The following CTNND2 variants were observed in gnomAD, a reference collection of about 807,000 sequenced individuals.
CTNND2 encodes catenin delta 2, also known as catenin delta-2.
Under a neutral mutation model 144.4 loss-of-function variants are expected in CTNND2, and 22 were observed. The observed-to-expected ratio is 0.15, with a 90% CI of 0.11 to 0.22. CTNND2 has a LOEUF of 0.22. Ranked by LOEUF, CTNND2 falls within the 10% of genes least tolerant of loss-of-function variation. The pLI is 1.00. For synonymous variants in CTNND2, 751 were observed against 695.6 expected (o/e 1.08, Z -1.25); for missense variants, 1,353 against 1,618.8 (o/e 0.84, Z 2.82).
At chr5:11,010,770 A>G (rs1740989455) in intron 18 of CTNND2, among the ~76,000 whole-genome samples, 1 of 152,270 alleles carries the variant, frequency 6.6e-6, no homozygotes. Flanking sequence ...AGCAGTAAGG[A>G]AAGAGAGCCT....
chr5:11,137,289 A>G (rs571814649), intron 12 of CTNND2, among the ~76,000 whole-genome samples: 2 of 152,342 alleles, frequency 1.3e-5, no homozygotes, highest in East Asian at 3.9e-4. Context: ...TGTTGATCTA[A>G]AGGCAGGAAT....
intron 12 of CTNND2, among the ~76,000 whole-genome samples, chr5:11,132,846 C>CTA (rs1755756886): frequency 1.3e-5 from 2 of 152,156 alleles, no homozygotes; most frequent in African/African-American, 4.8e-5. Context: ...CCCACCCTTC[C>CTA]TATAACCTCT....
intron 13 of CTNND2, among the ~76,000 whole-genome samples, chr5:11,112,923 A>G (rs781426054): frequency 6.6e-6 from 1 of 152,170 alleles, no homozygotes; most frequent in Non-Finnish European, 1.5e-5. Flanking sequence ...TGGGTGGATC[A>G]TGAGGTCAGG....
chr5:11,058,944 C>T (rs192107876), intron 16 of CTNND2, among the ~76,000 whole-genome samples: 1 of 152,300 alleles, frequency 6.6e-6, no homozygotes, highest in Non-Finnish European at 1.5e-5. Context: ...TTTGTTTTGG[C>T]CAATTTCTCA....
In CTNND2 at chr5:11,628,542, T is replaced by A. The variant is rs573563719; in HGVS notation, c.175-63486A>T. 7.2e-5 allele frequency among the ~76,000 whole-genome samples: 11 copies of A among 152,302 alleles called. 1 individual carries two copies. The South Asian group carries it at 1.2e-3, about 17-fold the overall frequency. Reference sequence around the variant, plus strand: ...AGCTCTCTGGGGTTGAAATTCCCTATGCTCTTTTCCAGTTAATCACTGCTT... The same window carrying A: ...AGCTCTCTGGGGTTGAAATTCCCTAAGCTCTTTTCCAGTTAATCACTGCTT... On this transcript the variant is annotated intron_variant, in intron 2 of 21. Transcript: ENST00000304623.
intron 10 of CTNND2, among the ~76,000 whole-genome samples, chr5:11,205,158 GT>G (rs1737910386): frequency 6.6e-6 from 1 of 152,088 alleles, no homozygotes; most frequent in South Asian, 2.1e-4. Context: ...TAATAATAGT[GT>G]GCAAGACTAT....
intron 2 of CTNND2, among the ~76,000 whole-genome samples, chr5:11,651,107 G>C (rs1385248203): frequency 6.6e-6 from 1 of 152,186 alleles, no homozygotes; most frequent in African/African-American, 2.4e-5. Context: ...CAGGCCTGGA[G>C]GCATAGGCAG....
chr5:11,139,285 CAA>C (rs1756467084), intron 12 of CTNND2, among the ~76,000 whole-genome samples: 1 of 152,146 alleles, frequency 6.6e-6, no homozygotes, highest in Admixed American at 6.5e-5. Context: ...ATCTGGAAAC[CAA>C]AAGAGGGAGA....
intron 9 of CTNND2, among the ~76,000 whole-genome samples, chr5:11,271,018 T>A (rs1022573135): frequency 6.6e-6 from 1 of 152,184 alleles, no homozygotes; most frequent in African/African-American, 2.4e-5. Context: ...AGTTCTATTT[T>A]AAAAAATGTT....
rs190138895 is a variant in CTNND2, at chr5:11,657,249, C to T, written c.174+74887G>A. On this transcript the variant is annotated intron_variant, in intron 2 of 21. Coordinates refer to ENST00000304623, the MANE Select transcript of CTNND2 (RefSeq NM_001332.4). ...GAATTCTCAGTCACCTTACTGAACT[C>T]GTATTTTCATTTTTTAAAGAATGTG... 7.0e-4 allele frequency among the ~76,000 whole-genome samples: 107 copies of T among 152,074 alleles called. 1 individual carries two copies. The highest frequency in any genetic ancestry group is 2.3e-3 in the African/African-American group (96 of 41,504).
chr5:11,846,853 C>A (rs899551041), intron 1 of CTNND2, among the ~76,000 whole-genome samples: 3 of 151,688 alleles, frequency 2.0e-5, no homozygotes, highest in African/African-American at 7.3e-5. Context: ...AAATCAACAT[C>A]ACTAATCAAC....
chr5:11,568,222 C>T (rs1490492853), intron 2 of CTNND2, among the ~76,000 whole-genome samples: 6 of 152,186 alleles, frequency 3.9e-5, no homozygotes, highest in South Asian at 2.1e-4. Flanking sequence ...CATACATGGG[C>T]TGCTAAGTTG....
chr5:11,751,268 T>C (rs1412297812), intron 1 of CTNND2, among the ~76,000 whole-genome samples: 6 of 151,914 alleles, frequency 3.9e-5, no homozygotes, highest in East Asian at 1.9e-4. Context: ...GGGGTACATA[T>C]GCAGGTTTGT....
chr5:11,441,899 T>A (rs1020375829), intron 3 of CTNND2, among the ~76,000 whole-genome samples: 5 of 152,200 alleles, frequency 3.3e-5, no homozygotes, highest in Non-Finnish European at 7.3e-5. Context: ...AACTTACGCT[T>A]TTTTCCATCT....
In CTNND2 at chr5:11,240,233, ACAC is replaced by A. The variant is rs1225399091; in HGVS notation, c.1629-3413_1629-3411del. On this transcript the variant is annotated intron_variant, in intron 9 of 21. Coordinates refer to ENST00000304623, the MANE Select transcript of CTNND2 (RefSeq NM_001332.4). ...CCCAACACACACACCCAACACACAC[ACAC>A]CAACACACACACTCACACACCCAAC... Among the ~76,000 whole-genome samples the A allele has an allele frequency of 1.2e-4, 16 of 133,834 alleles. No homozygotes were observed. The South Asian group carries it at 2.8e-3, about 23-fold the overall frequency. 87.8% of individuals were successfully genotyped at this position (133,834 alleles called of 152,430 possible).
intron 9 of CTNND2, among the ~76,000 whole-genome samples, chr5:11,252,052 A>G (rs2149934398): frequency 6.6e-6 from 1 of 152,352 alleles, no homozygotes; most frequent in African/African-American, 2.4e-5. Context: ...AATGTTCATG[A>G]CAAAAACACC....
intron 5 of CTNND2, among the ~76,000 whole-genome samples, chr5:11,400,234 T>C (rs1760517231): frequency 6.6e-6 from 1 of 152,068 alleles, no homozygotes; most frequent in South Asian, 2.1e-4. Flanking sequence ...GTGGGTGATA[T>C]GGAAAGAAAT....
intron 11 of CTNND2, among the ~76,000 whole-genome samples, chr5:11,196,207 T>C (rs757736043): frequency 2.0e-5 from 3 of 152,378 alleles, no homozygotes; most frequent in Admixed American, 1.3e-4. Context: ...CTTCTGGATA[T>C]ACAGCTAGGT....
intron 2 of CTNND2, among the ~76,000 whole-genome samples, chr5:11,690,742 CAAAAAAAAAAAAAAAAAA>C (rs58799389): frequency 3.6e-4 from 13 of 36,558 alleles, no homozygotes; most frequent in Admixed American, 1.1e-3. Context: ...GACTCCGTCT[CAAAAAAAAAAAAAAAAAA>C]AAAAAAAAAA....
Sources: gnomAD v4.1 joint callset for allele counts (sites outside exome capture counted in the v4.1 genomes callset) on GRCh38, gnomAD v4.1.1 for gene constraint, MANE v1.5 for transcripts, NCBI Gene and HGNC (gene_info 2026-07-23, HGNC 2026-07-21) for gene names.